Variants in FGF13 observed in about 807,000 individuals in gnomAD.
The protein encoded by FGF13 is fibroblast growth factor homologous factor 2.
In FGF13, 2 loss-of-function variants were observed where a neutral mutation model predicts 19.5. The observed-to-expected ratio is 0.10, with a 90% CI of 0.04 to 0.32. The LOEUF (loss-of-function observed/expected upper bound fraction) is 0.32. Ranked by LOEUF, FGF13 falls within the 10% of genes least tolerant of loss-of-function variation. The pLI is 1.00. For synonymous variants in FGF13, 72 were observed against 76.9 expected (o/e 0.94, Z 0.33); for missense variants, 113 against 192.7 (o/e 0.59, Z 2.45).
chrX:139,204,073 T>A, upstream of FGF13: 1 of 1,210,819 alleles, frequency 8.3e-7, no homozygotes, highest in Non-Finnish European at 1.1e-6. Flanking sequence ...AGAAGCATCT[T>A]TCTCCTCTTT....
At chrX:138,829,782 T>A (rs1366882048) in intron 3 of FGF13, among the ~76,000 whole-genome samples, 1 of 111,742 alleles carries the variant, frequency 8.9e-6, no homozygotes, top group Admixed American at 9.5e-5. Context: ...AGTAGCATGA[T>A]CTCAGCTCAC....
At chrX:139,168,615 A>G (rs780691020) in intron 1 of FGF13, among the ~76,000 whole-genome samples, 22 of 112,095 alleles carry the variant, frequency 2.0e-4, no homozygotes, top group African/African-American at 7.1e-4. Flanking sequence ...CATTCATGAA[A>G]GTTATTCACG....
intron 1 of FGF13, among the ~76,000 whole-genome samples, chrX:138,949,439 G>T (rs918936112): frequency 9.0e-6 from 1 of 111,042 alleles, no homozygotes; most frequent in East Asian, 2.8e-4. Context: ...TCACTACATG[G>T]CCTTCTCACC....
chrX:139,177,237 GC>G (rs1404566440), intron 1 of FGF13, among the ~76,000 whole-genome samples: 1 of 33,098 alleles, frequency 3.0e-5, no homozygotes, highest in Non-Finnish European at 4.7e-5. Flanking sequence ...TGCAACCCCT[GC>G]TTTTTTTTTT....
chrX:139,082,251 T>C (rs1186927569), intron 1 of FGF13, among the ~76,000 whole-genome samples: 2 of 111,045 alleles, frequency 1.8e-5, no homozygotes, highest in East Asian at 2.8e-4. Flanking sequence ...CTGGCTCCAC[T>C]TCTCTCAGTT....
At chrX:138,639,226 A>C (rs2089221451) in intron 3 of FGF13, among the ~76,000 whole-genome samples, 1 of 111,849 alleles carries the variant, frequency 8.9e-6, no homozygotes, top group Non-Finnish European at 1.9e-5. Flanking sequence ...CAACCCACGA[A>C]ATCCCTGTTC....
In FGF13 at chrX:138,617,269, T is replaced by C. The variant is rs1321525391; in HGVS notation, c.*15581A>G. ...AAATATTAAACTCTACTTCCTGATATGCATGATAAAGGGTTTAAAGATGAA... is the reference window on the plus strand; with the variant it reads ...AAATATTAAACTCTACTTCCTGATACGCATGATAAAGGGTTTAAAGATGAA... On this transcript the variant is annotated 3_prime_UTR_variant, in exon 5 of 5. Transcript: ENST00000315930. 6 of 112,056 alleles carry C rather than the reference T, an allele frequency of 5.4e-5. No individual in the cohort carries two copies. Among genetic ancestry groups the C allele is most frequent in the Admixed American group, 4.7e-4 (5 of 10,547 alleles). 9.2% of individuals were successfully genotyped at this position (112,056 alleles called of 1,213,427 possible). A position where few individuals can be genotyped will look rare whatever the true frequency, so the allele number is the denominator to read the frequency against.
intron 1 of FGF13, among the ~76,000 whole-genome samples, chrX:139,073,843 G>A (rs965314905): frequency 3.0e-4 from 34 of 112,489 alleles, no homozygotes; most frequent in African/African-American, 8.4e-4. Flanking sequence ...ATTGGACACC[G>A]TGCAAAATTA....
upstream of FGF13, among the ~76,000 whole-genome samples, chrX:138,741,974 C>A (rs2124304827): frequency 8.9e-6 from 1 of 111,945 alleles, no homozygotes; most frequent in Non-Finnish European, 1.9e-5. Context: ...TTTTTCACAC[C>A]TCCACAGGTT....
At chrX:139,033,551 A>G (rs2092238796) in intron 1 of FGF13, among the ~76,000 whole-genome samples, 1 of 112,172 alleles carries the variant, frequency 8.9e-6, no homozygotes, top group South Asian at 3.7e-4. Flanking sequence ...AGAAAGATGA[A>G]AAAGTTTTTA....
At chrX:139,012,296 T>C (rs1330894033) in intron 1 of FGF13, among the ~76,000 whole-genome samples, 1 of 111,337 alleles carries the variant, frequency 9.0e-6, no homozygotes, top group African/African-American at 3.3e-5. Flanking sequence ...TTTAATGCAA[T>C]TCCCATTAAA....
chrX:138,747,587 G>T (rs1471441039), intron 3 of FGF13, among the ~76,000 whole-genome samples: 1 of 111,729 alleles, frequency 9.0e-6, no homozygotes, highest in East Asian at 2.8e-4. Context: ...AGCTACTAAG[G>T]TCCCTTAATA....
At chrX:139,089,134 A>ATGTGTGCATGTG (rs1181238091) in intron 1 of FGF13, among the ~76,000 whole-genome samples, 1 of 112,026 alleles carries the variant, frequency 8.9e-6, no homozygotes, top group Admixed American at 9.4e-5. Flanking sequence ...ATGATAAATC[A>ATGTGTGCATGTG]TGTGTGCATG....
rs1258920165 is a variant in FGF13, at chrX:138,618,545, G to T, written c.*14305C>A. On this transcript the variant is annotated 3_prime_UTR_variant, in exon 5 of 5. Coordinates refer to ENST00000315930, the MANE Select transcript of FGF13 (RefSeq NM_004114.5). ...ACAACTTCACAGACTCCATCAGGAG[G>T]CCCACCCACTAGTGGCTTGGGATGC... 1 of 111,671 alleles carries T rather than the reference G, an allele frequency of 9.0e-6. No individual in the cohort carries two copies. Among genetic ancestry groups the T allele is most frequent in the East Asian group, 2.8e-4 (1 of 3,513 alleles). 9.2% of individuals were successfully genotyped at this position (111,671 alleles called of 1,213,427 possible). A position where few individuals can be genotyped will look rare whatever the true frequency, so the allele number is the denominator to read the frequency against.
intron 1 of FGF13, among the ~76,000 whole-genome samples, chrX:139,043,239 TCTCA>T (rs1320727721): frequency 2.7e-5 from 3 of 110,172 alleles, no homozygotes; most frequent in African/African-American, 1.0e-4. Context: ...GGGGATGGAG[TCTCA>T]CTCTGTCATG....
chrX:138,843,685 G>A (rs2091164064), intron 3 of FGF13, among the ~76,000 whole-genome samples: 1 of 111,574 alleles, frequency 9.0e-6, no homozygotes, highest in South Asian at 3.7e-4. Context: ...GACAATCCAA[G>A]TGCAAGGGAA....
Position 138,984,589 on chromosome X carries a change from A to AGAAGAG in FGF13, c.-112-119940_-112-119939insCTCTTC, listed in dbSNP as rs1569436186. 5.9e-4 allele frequency among the ~76,000 whole-genome samples: 10 copies of AGAAGAG among 17,029 alleles called. 1 individual carries two copies. The highest frequency in any genetic ancestry group is 1.6e-3 in the African/African-American group (8 of 4,992). 14.8% of individuals were successfully genotyped at this position (17,029 alleles called of 115,157 possible). On this transcript the variant is annotated intron_variant, in intron 1 of 2. Transcript: ENST00000421460. ...AAGAAGAAGAAGAAGAAGAAGAAGAAGGAGGAGGAGGAGGAGGAGGAGGAG... is the reference window on the plus strand; with the variant it reads ...AAGAAGAAGAAGAAGAAGAAGAAGAAGAAGAGGGAGGAGGAGGAGGAGGAGGAGGAG...
chrX:138,683,864 A>G (rs1240210789), intron 3 of FGF13, among the ~76,000 whole-genome samples: 1 of 111,817 alleles, frequency 8.9e-6, no homozygotes, highest in African/African-American at 3.2e-5. Flanking sequence ...TTATTGGTCA[A>G]GTCCAGTTAT....
chrX:138,845,665 T>C (rs2091176402), intron 3 of FGF13, among the ~76,000 whole-genome samples: 1 of 111,519 alleles, frequency 9.0e-6, no homozygotes, highest in South Asian at 3.8e-4. Context: ...TCCTAAACTA[T>C]GCTGATTTGC....
Sources: gnomAD v4.1 joint callset for allele counts (sites outside exome capture counted in the v4.1 genomes callset) on GRCh38, gnomAD v4.1.1 for gene constraint, MANE v1.5 for transcripts, NCBI Gene and HGNC (gene_info 2026-07-23, HGNC 2026-07-21) for gene names.